Variants in ASPH observed in about 807,000 individuals in gnomAD.
The protein encoded by ASPH is aspartyl/asparaginyl beta-hydroxylase.
Under a neutral mutation model 118.4 loss-of-function variants are expected in ASPH, and 100 were observed. That is an observed-to-expected ratio of 0.84 (90% CI 0.72 to 1.00). The LOEUF is 1.00. ASPH is among the 50% of genes least tolerant of loss of function. The pLI is 0.00. For missense variants in ASPH, 920 were observed against 919.5 expected (o/e 1.00, Z -0.01); for synonymous variants, 315 against 325.6 (o/e 0.97, Z 0.35).
At chr8:61,638,241 CTT>C (rs1292879336) in intron 11 of ASPH, 79 bp downstream of exon 11, 5 of 1,507,476 alleles carry the variant, frequency 3.3e-6, no homozygotes, top group East Asian at 2.3e-5. Context: ...TACACTGACT[CTT>C]TGTTCCACAG....
At chr8:61,707,765 T>C (rs1305523775) in intron 1 of ASPH, among the ~76,000 whole-genome samples, 1 of 152,162 alleles carries the variant, frequency 6.6e-6, no homozygotes, top group African/African-American at 2.4e-5. Flanking sequence ...AACTGGAGTT[T>C]GGAGGAATTT....
chr8:61,560,933 A>G (rs1829581091), intron 18 of ASPH, among the ~76,000 whole-genome samples: 2 of 151,850 alleles, frequency 1.3e-5, no homozygotes, highest in South Asian at 4.2e-4. Context: ...AGAAAGAAGG[A>G]GGAAAGGGTG....
Position 61,646,659 on chromosome 8 carries a change from A to T in ASPH, c.619+91T>A, listed in dbSNP as rs1386342741. 6 of 1,308,564 alleles carry T rather than the reference A, an allele frequency of 4.6e-6. No homozygotes were observed. In the East Asian group the frequency reaches 1.6e-4, roughly 35 times the overall value. The allele number at this position is 1,308,564 out of a possible 1,614,324, so 81.1% of individuals were successfully genotyped here. A position where few individuals can be genotyped will look rare whatever the true frequency, so the allele number is the denominator to read the frequency against. On this transcript the variant is annotated intron_variant, in intron 6 of 24. Coordinates refer to ENST00000379454, the MANE Select transcript of ASPH (RefSeq NM_004318.4). ...TTTTAAAAATCTAAGCAAAAGTTAA[A>T]TATCAGTTTTAAAGGGGTTTAAGAA...
At chr8:61,523,325 T>TTTC (rs1813907550) in intron 22 of ASPH, among the ~76,000 whole-genome samples, 8 of 150,422 alleles carry the variant, frequency 5.3e-5, no homozygotes, top group Non-Finnish European at 1.0e-4. Flanking sequence ...TCTTTCTTTT[T>TTTC]TTTTTTTTTT....
In ASPH at chr8:61,526,009, C is replaced by T; in HGVS notation, c.1868G>A (p.Gly623Glu). The T allele has an allele frequency of 1.2e-6, 2 of 1,613,970 alleles. No homozygotes were observed. Among genetic ancestry groups the T allele is most frequent in the Non-Finnish European group, 1.7e-6 (2 of 1,179,914 alleles). Reference sequence around the variant, plus strand: ...CCACAGCGTGAACTGGCTCCAGTCCCCTTTTTCCCTCAGGTTTTCATCCTC... The same window carrying T: ...CCACAGCGTGAACTGGCTCCAGTCCTCTTTTTCCCTCAGGTTTTCATCCTC... ...LPEDENLREK[G>E]DWSQFTLWQQ... Residue 623 changes from glycine to glutamate, a missense_variant, in exon 22 of 25, where the codon GGG (glycine) becomes GAG (glutamate). By Grantham distance (98) the Gly-to-Glu change is moderately conservative. Coordinates refer to ENST00000379454, the MANE Select transcript of ASPH (RefSeq NM_004318.4).
chr8:61,573,568 C>T (rs1477786105), intron 16 of ASPH, among the ~76,000 whole-genome samples: 15 of 152,162 alleles, frequency 9.9e-5, no homozygotes, highest in Non-Finnish European at 2.2e-4. Context: ...CACACATCTA[C>T]AACCATCTGA....
At chr8:61,571,982 G>A (rs1833603616) in intron 16 of ASPH, among the ~76,000 whole-genome samples, 1 of 152,164 alleles carries the variant, frequency 6.6e-6, no homozygotes, top group South Asian at 2.1e-4. Context: ...GTTGCTGTCT[G>A]CTAAAGCTGG....
intron 13 of ASPH, among the ~76,000 whole-genome samples, chr8:61,631,317 A>G (rs569319110): frequency 6.6e-6 from 1 of 152,166 alleles, no homozygotes; most frequent in Non-Finnish European, 1.5e-5. Flanking sequence ...TCACTTGCTG[A>G]TTCACTCAGA....
At chr8:61,639,602 C>A (rs1804108566) in intron 10 of ASPH, among the ~76,000 whole-genome samples, 1 of 152,156 alleles carries the variant, frequency 6.6e-6, no homozygotes, top group African/African-American at 2.4e-5. Flanking sequence ...AGCCATAGAA[C>A]CACCTCATGT....
chr8:61,670,225 GA>G (rs767494475), intron 3 of ASPH, among the ~76,000 whole-genome samples: 10 of 144,958 alleles, frequency 6.9e-5, no homozygotes, highest in Admixed American at 1.4e-4. Context: ...AGAGAGTAAA[GA>G]AAAAAAAATT....
chr8:61,698,269 T>C (rs1365021074), intron 1 of ASPH, among the ~76,000 whole-genome samples: 1 of 152,254 alleles, frequency 6.6e-6, no homozygotes, highest in South Asian at 2.1e-4. Flanking sequence ...TTTGCCATAT[T>C]TGAATATAGT....
intron 13 of ASPH, among the ~76,000 whole-genome samples, chr8:61,629,830 G>A (rs1588330277): frequency 6.6e-6 from 1 of 152,112 alleles, no homozygotes; most frequent in African/African-American, 2.4e-5. Context: ...AAAATCCTTT[G>A]AAAAACGGCA....
Position 61,642,880 on chromosome 8 carries a change from T to G in ASPH, c.790+8A>C. 6.5e-7 allele frequency: 1 copy of G among 1,546,758 alleles called. No homozygotes were observed. Among genetic ancestry groups the G allele is most frequent in the Non-Finnish European group, 8.7e-7 (1 of 1,155,340 alleles). On this transcript the variant is annotated splice_region_variant and intron_variant, in intron 10 of 24. Transcript: ENST00000379454. ...AAGAAAAAAAAAAAAAAGAAAGCAT[T>G]TGCAAACCTTGTTCCTCATAGACTT...
intron 18 of ASPH, among the ~76,000 whole-genome samples, chr8:61,557,273 C>T (rs1159354582): frequency 6.6e-6 from 1 of 152,084 alleles, no homozygotes; most frequent in Non-Finnish European, 1.5e-5. Context: ...TTCCTGGAAC[C>T]ACCCCCAAGG....
intron 14 of ASPH, among the ~76,000 whole-genome samples, chr8:61,597,280 G>C (rs1842764083): frequency 6.6e-6 from 1 of 151,912 alleles, no homozygotes; most frequent in Admixed American, 6.6e-5. Context: ...ACTTTGGGAG[G>C]CTGAGGCATA....
At chr8:61,674,548 C>T (rs1824295296) in intron 3 of ASPH, among the ~76,000 whole-genome samples, 1 of 152,072 alleles carries the variant, frequency 6.6e-6, no homozygotes, top group African/African-American at 2.4e-5. Context: ...TGTGTATATC[C>T]ACATCCAAAA....
At chr8:61,652,443 C>T (rs1314917054) in intron 4 of ASPH, among the ~76,000 whole-genome samples, 1 of 152,154 alleles carries the variant, frequency 6.6e-6, no homozygotes, top group Non-Finnish European at 1.5e-5. Context: ...GGACTCCATG[C>T]CATTTCAACT....
rs571051960 is a variant in ASPH, at chr8:61,675,296, T to C, written c.322+5672A>G. 23 of 909,646 alleles carry C rather than the reference T, an allele frequency of 2.5e-5. No homozygotes were observed. The African/African-American group carries it at 3.8e-4, about 15-fold the overall frequency. 56.3% of individuals were successfully genotyped at this position (909,646 alleles called of 1,614,324 possible). A position where few individuals can be genotyped will look rare whatever the true frequency, so the allele number is the denominator to read the frequency against. ...AATTTTAATATGTACAACATTAAGATACATATTCACATGTTCCCTCTTGTG... is the reference window on the plus strand; with the variant it reads ...AATTTTAATATGTACAACATTAAGACACATATTCACATGTTCCCTCTTGTG... On this transcript the variant is annotated intron_variant, in intron 3 of 24. Transcript: ENST00000379454.
chr8:61,518,084 G>C lies in ASPH; in HGVS notation c.1940C>G (p.Thr647Ser). 1 of 1,613,912 alleles carries C rather than the reference G, an allele frequency of 6.2e-7. No individual in the cohort carries two copies. Residue 647 changes from threonine (T) to serine (S), a missense_variant, in exon 23 of 25, where the codon ACC becomes AGC. Thr to Ser is a moderately conservative substitution (Grantham distance 58, BLOSUM62 1). Coordinates refer to ENST00000379454, the MANE Select transcript of ASPH (RefSeq NM_004318.4). ...NENACKGAPK[T>S]CTLLEKFPET... is the part of the protein sequence containing the mutation. ...GGGGAACTTTTCTAGTAAGGTACAGGTTTTAGGAGCTCCTTTGCAGGCATT... is the reference window on the plus strand; with the variant it reads ...GGGGAACTTTTCTAGTAAGGTACAGCTTTTAGGAGCTCCTTTGCAGGCATT...
Sources: allele counts gnomAD v4.1 joint callset (sites outside exome capture counted in the v4.1 genomes callset), GRCh38; gene constraint gnomAD v4.1.1; transcripts MANE v1.5; gene names NCBI Gene and HGNC (gene_info 2026-07-23, HGNC 2026-07-21).